NCOA2: variants seen among roughly 807,000 people sequenced by gnomAD.
NCOA2 encodes nuclear receptor coactivator 2.
NCOA2 carries 21 observed loss-of-function variants against 145.1 expected under a neutral mutation model. The ratio of observed to expected loss-of-function variants is 0.14; its 90% confidence interval spans 0.10 to 0.21. The LOEUF (loss-of-function observed/expected upper bound fraction) is 0.21. Among genes scored for constraint, NCOA2 ranks in the 10% least tolerant of loss-of-function variants. The pLI is 1.00. For missense variants in NCOA2, 1,472 were observed against 1,837.6 expected, an observed-to-expected ratio of 0.80 and a Z score of 3.64; for synonymous variants, 619 against 637.5, an observed-to-expected ratio of 0.97 and a Z score of 0.44.
At chr8:70,293,080 C>T (rs953101595) in intron 2 of NCOA2, among the ~76,000 whole-genome samples, 2 of 151,988 alleles carry the variant, frequency 1.3e-5, no homozygotes, top group South Asian at 2.1e-4. Context: ...ACAGTGCCTA[C>T]CATGCTGTCA....
intron 4 of NCOA2, among the ~76,000 whole-genome samples, chr8:70,213,128 A>G (rs1819226770): frequency 6.6e-6 from 1 of 151,636 alleles, no homozygotes; most frequent in South Asian, 2.1e-4. Context: ...CCAGATTACA[A>G]AAGATAATAA....
rs72265721 is a variant in NCOA2, at chr8:70,337,200, AGTGTGTGTGTGT to A, written c.-76-40412_-76-40401del. ...TTTAGCCTACCCAGCACTGCTGAGG[AGTGTGTGTGTGT>A]GTGTGTGTGTGTGTGTGTGGTGTAA... On this transcript the variant is annotated intron_variant, in intron 1 of 22. Coordinates refer to ENST00000452400, the MANE Select transcript of NCOA2 (RefSeq NM_006540.4). 2.7e-5 allele frequency among the ~76,000 whole-genome samples: 4 copies of A among 146,330 alleles called. No homozygotes were observed. The East Asian group carries it at 6.0e-4, about 22-fold the overall frequency.
chr8:70,266,779 CA>C lies in NCOA2; in HGVS notation c.-20+29964del, dbSNP rs1264532956. Among the ~76,000 whole-genome samples the C allele has an allele frequency of 2.0e-5, 3 of 152,198 alleles. No homozygotes were observed. The East Asian group carries it at 5.8e-4, about 29-fold the overall frequency. ...TATTTATTGGATGCCTAGCATGTGA[CA>C]GGAGACACAGTTCTAGGGGCACTCA... On this transcript the variant is annotated intron_variant, in intron 2 of 22. Coordinates refer to ENST00000452400, the MANE Select transcript of NCOA2 (RefSeq NM_006540.4).
chr8:70,415,808 T>C, the NCOA2 span, among the ~76,000 whole-genome samples: 2 of 152,230 alleles, frequency 1.3e-5, no homozygotes, highest in Non-Finnish European at 2.9e-5. Flanking sequence ...TCTGCACTCA[T>C]TTACGGTAGC....
At chr8:70,402,279 G>A (rs1289309998) in intron 1 of NCOA2, 1 of 152,340 alleles carries the variant, frequency 6.6e-6, no homozygotes, top group African/African-American at 2.4e-5. Context: ...GAGGGAGTGG[G>A]ATTAGAGGAC....
chr8:70,301,882 G>T (rs117309468), intron 1 of NCOA2, among the ~76,000 whole-genome samples: 1,848 of 152,026 alleles, frequency 0.012, 28 homozygotes, highest in Middle Eastern at 0.061. Context: ...AACGCACAGG[G>T]AACAGAAGAA....
At chr8:70,121,074 TA>T (rs1009208755) in intron 22 of NCOA2, among the ~76,000 whole-genome samples, 3 of 151,814 alleles carry the variant, frequency 2.0e-5, no homozygotes, top group Admixed American at 6.6e-5. Flanking sequence ...GATAAATAAA[TA>T]AAAAAAAATT....
At chr8:70,302,942 TATCC>T (rs1199649802) in intron 1 of NCOA2, among the ~76,000 whole-genome samples, 1 of 152,198 alleles carries the variant, frequency 6.6e-6, no homozygotes, top group Admixed American at 6.5e-5. Context: ...AAAAATAATA[TATCC>T]ATCACACTCA....
chr8:70,356,202 T>C (rs1456444932), intron 1 of NCOA2, among the ~76,000 whole-genome samples: 1 of 152,168 alleles, frequency 6.6e-6, no homozygotes, highest in Non-Finnish European at 1.5e-5. Flanking sequence ...TTCATGCCTA[T>C]AATCCCAACA....
chr8:70,326,015 C>G (rs1425291201), intron 1 of NCOA2, among the ~76,000 whole-genome samples: 1 of 152,184 alleles, frequency 6.6e-6, no homozygotes, highest in Admixed American at 6.6e-5. Flanking sequence ...TACTCCTCAC[C>G]TCTTCACAAC....
upstream of NCOA2, among the ~76,000 whole-genome samples, chr8:70,405,437 G>GTTT (rs34814735): frequency 0.11 from 6,374 of 59,214 alleles, 1,903 homozygotes; most frequent in Non-Finnish European, 0.12. Context: ...ATTTTTAAAG[G>GTTT]TTTTTTTTTT....
the NCOA2 span, among the ~76,000 whole-genome samples, chr8:70,453,146 A>G: frequency 3.3e-5 from 5 of 152,202 alleles, no homozygotes; most frequent in African/African-American, 1.2e-4. Context: ...ATGTTAATTC[A>G]GGAGAGGGCT....
At chr8:70,213,852 GA>G in intron 4 of NCOA2, 50 bp downstream of exon 4, 1 of 1,467,156 alleles carries the variant, frequency 6.8e-7, no homozygotes, top group South Asian at 1.3e-5. Flanking sequence ...CTCACACAGG[GA>G]AAAACAGAAA....
intron 1 of NCOA2, among the ~76,000 whole-genome samples, chr8:70,326,453 GCACACACACACACACACATGCA>G (rs1238413602): frequency 3.5e-5 from 5 of 143,784 alleles, no homozygotes; most frequent in African/African-American, 1.0e-4. Context: ...ACACACACGT[GCACACACACACACACACATGCA>G]CACACACACA....
upstream of NCOA2, among the ~76,000 whole-genome samples, chr8:70,406,488 A>G (rs567165621): frequency 2.0e-5 from 3 of 152,328 alleles, no homozygotes; most frequent in Non-Finnish European, 2.9e-5. Context: ...TATAGGAACT[A>G]GGTATATTAC....
chr8:70,167,769 C>T (rs962614989), intron 6 of NCOA2, among the ~76,000 whole-genome samples: 1 of 151,928 alleles, frequency 6.6e-6, no homozygotes. Flanking sequence ...AGAGGAAAGA[C>T]AACAATTATT....
chr8:70,119,289 A>T (rs1807500841), intron 22 of NCOA2, among the ~76,000 whole-genome samples: 1 of 152,134 alleles, frequency 6.6e-6, no homozygotes, highest in African/African-American at 2.4e-5. Flanking sequence ...TAGCTCTCAT[A>T]TGTAAGAACA....
At chr8:70,347,715 T>C (rs1043701798) in intron 1 of NCOA2, among the ~76,000 whole-genome samples, 2 of 152,114 alleles carry the variant, frequency 1.3e-5, no homozygotes, top group African/African-American at 2.4e-5. Flanking sequence ...CTAGCCCCGC[T>C]ACAGCACAAT....
chr8:70,270,538 A>G (rs1824962396), intron 2 of NCOA2, among the ~76,000 whole-genome samples: 1 of 151,926 alleles, frequency 6.6e-6, no homozygotes, highest in African/African-American at 2.4e-5. Flanking sequence ...AGTGTCCCAG[A>G]CAGTGTGTGC....
Sources: allele counts gnomAD v4.1 joint callset (sites outside exome capture counted in the v4.1 genomes callset), GRCh38; gene constraint gnomAD v4.1.1; transcripts MANE v1.5; gene names NCBI Gene and HGNC (gene_info 2026-07-23, HGNC 2026-07-21).